ARHGAP12: variants seen among roughly 807,000 people sequenced by gnomAD.
ARHGAP12 encodes rho GTPase-activating protein 12.
ARHGAP12 carries 64 observed loss-of-function variants against 108.6 expected under a neutral mutation model. The ratio of observed to expected loss-of-function variants is 0.59; its 90% CI spans 0.48 to 0.73. ARHGAP12 has a LOEUF of 0.73. Ranked by LOEUF, ARHGAP12 falls within the 30% of genes least tolerant of loss-of-function variation. The pLI is 0.00. For synonymous variants in ARHGAP12, 312 were observed against 337.2 expected (o/e 0.93, Z 0.82); for missense variants, 940 against 1,005.9 (o/e 0.93, Z 0.89).
chr10:31,877,653 C>A (rs189452367), intron 3 of ARHGAP12, among the ~76,000 whole-genome samples: 1 of 152,270 alleles, frequency 6.6e-6, no homozygotes, highest in Non-Finnish European at 1.5e-5. Context: ...AGGTTTGATC[C>A]CATTGTGTGC....
rs140324216 is a variant in ARHGAP12 at position 31,809,235 on chromosome 10, T to A, written c.2123A>T (p.Asn708Ile). 6.2e-7 allele frequency: 1 copy of A among 1,613,914 alleles called. No individual in the cohort carries two copies. Among genetic ancestry groups the A allele is most frequent in the East Asian group, 2.2e-5 (1 of 44,848 alleles). The part of the protein sequence containing the change: ...AVIQKLRFAV[N>I]HDEKLDLNDS... ...AACAGTAAATATAATCTTACCATGA[T>A]TGACTGCAAACCTTAGTTTCTGGAT... Residue 708 changes from asparagine to isoleucine, a missense_variant, in exon 17 of 20, where the codon AAT (asparagine) becomes ATT (isoleucine). Transcript: ENST00000344936.
At chr10:31,898,024 T>C (rs952967922) in intron 3 of ARHGAP12, among the ~76,000 whole-genome samples, 1 of 151,972 alleles carries the variant, frequency 6.6e-6, no homozygotes, top group African/African-American at 2.4e-5. Context: ...CTTGGGAGGC[T>C]GAGGTGGGAA....
intron 13 of ARHGAP12, among the ~76,000 whole-genome samples, chr10:31,816,678 T>A (rs746206142): frequency 6.6e-6 from 1 of 152,106 alleles, no homozygotes; most frequent in Non-Finnish European, 1.5e-5. Context: ...TTCTGAGCAG[T>A]AGGGGATTAG....
intron 3 of ARHGAP12, among the ~76,000 whole-genome samples, chr10:31,886,961 CAG>C (rs1194954647): frequency 6.6e-6 from 1 of 152,180 alleles, no homozygotes; most frequent in African/African-American, 2.4e-5. Context: ...AATAAAAATG[CAG>C]AGCAATCCGT....
intron 5 of ARHGAP12, among the ~76,000 whole-genome samples, 170 bp from the exon 6 acceptor site, chr10:31,852,767 G>A (rs1836740777): frequency 2.1e-5 from 3 of 142,544 alleles, no homozygotes; most frequent in Admixed American, 7.1e-5. Context: ...GCCCAGGCTG[G>A]AGTGCAATGG....
intron 3 of ARHGAP12, among the ~76,000 whole-genome samples, chr10:31,880,473 CAA>C (rs201422943): frequency 6.8e-6 from 1 of 146,300 alleles, no homozygotes; most frequent in African/African-American, 2.5e-5. Context: ...ACAACAATAA[CAA>C]AAAAAAACAC....
intron 13 of ARHGAP12, among the ~76,000 whole-genome samples, chr10:31,814,912 G>C (rs1835145393): frequency 1.3e-5 from 2 of 152,020 alleles, no homozygotes; most frequent in Non-Finnish European, 2.9e-5. Context: ...GAGGTTATGA[G>C]ATTGAGACCA....
chr10:31,911,431 C>T (rs1839343808), intron 1 of ARHGAP12, among the ~76,000 whole-genome samples: 1 of 152,200 alleles, frequency 6.6e-6, no homozygotes, highest in Non-Finnish European at 1.5e-5. Flanking sequence ...TTTCCCACTT[C>T]AGCCTCCCGA....
intron 3 of ARHGAP12, among the ~76,000 whole-genome samples, chr10:31,895,185 A>G (rs1177664326): frequency 1.3e-5 from 2 of 152,244 alleles, no homozygotes; most frequent in African/African-American, 4.8e-5. Context: ...GGACATAGGC[A>G]TGGGCAAGGA....
At chr10:31,922,733 G>A (rs775403612) in intron 1 of ARHGAP12, among the ~76,000 whole-genome samples, 1 of 152,050 alleles carries the variant, frequency 6.6e-6, no homozygotes, top group South Asian at 2.1e-4. Context: ...AAAACGTAAA[G>A]AAGTTACTAC....
At chr10:31,889,780 C>T (rs1838344290) in intron 3 of ARHGAP12, among the ~76,000 whole-genome samples, 1 of 151,838 alleles carries the variant, frequency 6.6e-6, no homozygotes, top group Non-Finnish European at 1.5e-5. Flanking sequence ...GCATGCCCTT[C>T]ACCACACTGA....
At chr10:31,858,270 A>G (rs186597181) in intron 4 of ARHGAP12, among the ~76,000 whole-genome samples, 42 of 152,366 alleles carry the variant, frequency 2.8e-4, no homozygotes, top group Non-Finnish European at 1.8e-4. Flanking sequence ...GGTAAAAATC[A>G]GGATTAATTT....
intron 3 of ARHGAP12, among the ~76,000 whole-genome samples, chr10:31,899,877 C>T (rs1369883488): frequency 6.6e-6 from 1 of 151,998 alleles, no homozygotes; most frequent in Non-Finnish European, 1.5e-5. Context: ...TAGTTTTGTA[C>T]TTTATTAAAA....
intron 6 of ARHGAP12, among the ~76,000 whole-genome samples, chr10:31,849,664 C>T (rs1294605907): frequency 6.6e-6 from 1 of 152,152 alleles, no homozygotes; most frequent in Non-Finnish European, 1.5e-5. Flanking sequence ...TTAATTCAAA[C>T]CTCTTCTCCA....
intron 3 of ARHGAP12, among the ~76,000 whole-genome samples, chr10:31,898,406 T>A (rs374039102): frequency 2.0e-5 from 3 of 152,108 alleles, no homozygotes; most frequent in East Asian, 3.8e-4. Flanking sequence ...AAAAGCCAGA[T>A]AATAAAAAGT....
chr10:31,870,112 G>A (rs926749494), intron 3 of ARHGAP12, among the ~76,000 whole-genome samples: 1 of 152,066 alleles, frequency 6.6e-6, no homozygotes, highest in African/African-American at 2.4e-5. Context: ...GACAGTATCA[G>A]GCTCTAAAGC....
intron 1 of ARHGAP12, among the ~76,000 whole-genome samples, chr10:31,923,136 A>AG (rs1305364732): frequency 6.6e-6 from 1 of 150,734 alleles, no homozygotes; most frequent in Non-Finnish European, 1.5e-5. Context: ...TAACAGGAAA[A>AG]AAAAAAAAAA....
chr10:31,867,549 T>TAA, intron 3 of ARHGAP12, among the ~76,000 whole-genome samples: 1 of 152,350 alleles, frequency 6.6e-6, no homozygotes, highest in Non-Finnish European at 1.5e-5. Flanking sequence ...CTGTCTTTTC[T>TAA]AGCGAACCAA....
intron 1 of ARHGAP12, among the ~76,000 whole-genome samples, chr10:31,912,481 C>A (rs1410200606): frequency 6.6e-6 from 1 of 152,156 alleles, no homozygotes; most frequent in African/African-American, 2.4e-5. Flanking sequence ...ACTACACCTT[C>A]CCCACAGTGA....
Sources: gnomAD v4.1 joint callset for allele counts (sites outside exome capture counted in the v4.1 genomes callset) on GRCh38, gnomAD v4.1.1 for gene constraint, MANE v1.5 for transcripts, NCBI Gene and HGNC (gene_info 2026-07-23, HGNC 2026-07-21) for gene names.